Variants in RUNX1T1 observed in about 807,000 individuals in gnomAD.
RUNX1T1 encodes the protein protein CBFA2T1.
In RUNX1T1, 4 loss-of-function variants were observed where a neutral mutation model predicts 62.8. The ratio of observed to expected loss-of-function variants is 0.06; its 90% CI spans 0.03 to 0.15. RUNX1T1 has a LOEUF of 0.15. Ranked by LOEUF, RUNX1T1 falls within the 10% of genes least tolerant of loss-of-function variation. The pLI is 1.00. For synonymous variants in RUNX1T1, 291 were observed against 286.0 expected (o/e 1.02, Z -0.18); for missense variants, 508 against 754.3 (o/e 0.67, Z 3.82).
At chr8:92,046,823 T>A (rs1361614887) in intron 1 of RUNX1T1, among the ~76,000 whole-genome samples, 1 of 152,024 alleles carries the variant, frequency 6.6e-6, no homozygotes, top group East Asian at 1.9e-4. Flanking sequence ...CATAGAACAG[T>A]GTTTAGGTTA....
intron 1 of RUNX1T1, among the ~76,000 whole-genome samples, chr8:92,049,530 T>C (rs1403756382): frequency 1.3e-5 from 2 of 152,180 alleles, no homozygotes; most frequent in Non-Finnish European, 2.9e-5. Flanking sequence ...AAGAATCTCA[T>C]AAGTGCTGAC....
chr8:91,983,169 G>A (rs942578448), intron 8 of RUNX1T1, among the ~76,000 whole-genome samples: 7 of 151,536 alleles, frequency 4.6e-5, no homozygotes, highest in Admixed American at 6.6e-5. Flanking sequence ...CCCCGACCTC[G>A]TGATCCGTCT....
At chr8:92,029,047 T>A (rs1825768325) in intron 1 of RUNX1T1, among the ~76,000 whole-genome samples, 1 of 152,156 alleles carries the variant, frequency 6.6e-6, no homozygotes. Flanking sequence ...GTAGAGTCAG[T>A]TATGATCATC....
At chr8:92,060,551 A>ATGTGTGTGTGTG (rs1239294685) in intron 1 of RUNX1T1, among the ~76,000 whole-genome samples, 8 of 95,328 alleles carry the variant, frequency 8.4e-5, no homozygotes, top group African/African-American at 1.9e-4. Context: ...ATATATATAT[A>ATGTGTGTGTGTG]TATGTGTGTG....
intron 1 of RUNX1T1, among the ~76,000 whole-genome samples, chr8:92,030,811 TCTC>T (rs1320299075): frequency 6.6e-6 from 1 of 152,144 alleles, no homozygotes; most frequent in African/African-American, 2.4e-5. Flanking sequence ...CCCTTCCTCA[TCTC>T]CTCATCTTCT....
upstream of RUNX1T1, among the ~76,000 whole-genome samples, chr8:92,065,034 C>T (rs1832671025): frequency 6.6e-6 from 1 of 152,168 alleles, no homozygotes; most frequent in South Asian, 2.1e-4. Flanking sequence ...AGCATTTTCT[C>T]AAGAAACCAG....
intron 1 of RUNX1T1, among the ~76,000 whole-genome samples, chr8:92,024,897 C>A (rs551749793): frequency 3.3e-5 from 5 of 152,256 alleles, no homozygotes; most frequent in South Asian, 2.1e-4. Context: ...TGGAATTTGC[C>A]ATCCTCTATG....
At chr8:91,974,955 A>T (rs1236285506) in intron 9 of RUNX1T1, among the ~76,000 whole-genome samples, 1 of 152,232 alleles carries the variant, frequency 6.6e-6, no homozygotes, top group Non-Finnish European at 1.5e-5. Context: ...GAAATCCCAA[A>T]GAGAAATCTT....
At chr8:91,999,425 G>A (rs957195317) in intron 5 of RUNX1T1, among the ~76,000 whole-genome samples, 20 of 152,168 alleles carry the variant, frequency 1.3e-4, no homozygotes, top group African/African-American at 4.1e-4. Flanking sequence ...AAGCTATGGA[G>A]AGAACTATAG....
intron 1 of RUNX1T1, chr8:92,081,127 A>G: frequency 4.9e-6 from 1 of 205,250 alleles, no homozygotes. Flanking sequence ...TTGACCTTGG[A>G]CAAGTCACTT....
intron 1 of RUNX1T1, among the ~76,000 whole-genome samples, chr8:92,020,655 G>C (rs190802197): frequency 6.6e-6 from 1 of 152,082 alleles, no homozygotes; most frequent in Non-Finnish European, 1.5e-5. Context: ...TAAACAAGAC[G>C]ATCTTCCCTC....
At chr8:92,060,973 A>G (rs1168699922) in intron 1 of RUNX1T1, among the ~76,000 whole-genome samples, 2 of 152,080 alleles carry the variant, frequency 1.3e-5, no homozygotes, top group Non-Finnish European at 2.9e-5. Flanking sequence ...ACTTCAGGCT[A>G]TTGCTGTAGA....
intron 5 of RUNX1T1, among the ~76,000 whole-genome samples, chr8:91,993,322 G>A (rs1046513115): frequency 1.2e-4 from 19 of 152,142 alleles, no homozygotes; most frequent in Non-Finnish European, 2.4e-4. Context: ...TAGGGTGGGC[G>A]CCCCAGTGAC....
chr8:91,959,442 G>GTATATA lies in RUNX1T1; in HGVS notation c.*799_*800insTATATA, dbSNP rs1224548659. The GTATATA allele has an allele frequency of 1.0e-3, 122 of 118,052 alleles. 3 individuals are homozygous for GTATATA. Among genetic ancestry groups the GTATATA allele is most frequent in the Middle Eastern group, 2.4e-3 (1 of 422 alleles). 7.3% of individuals were successfully genotyped at this position (118,052 alleles called of 1,614,324 possible). On this transcript the variant is annotated 3_prime_UTR_variant, in exon 11 of 11. Transcript: ENST00000396218. ...TGTGTGTGTGTGTGTGTGTGTGTGT[G>GTATATA]TGTGTGTGTGTGTGTGTGTGTGTGT...
chr8:91,973,459 A>C (rs1813274475), intron 9 of RUNX1T1, among the ~76,000 whole-genome samples: 1 of 152,032 alleles, frequency 6.6e-6, no homozygotes, highest in Non-Finnish European at 1.5e-5. Context: ...ACTTGTAATT[A>C]CAATTTTCTG....
At chr8:92,022,679 C>G (rs1198372717) in intron 1 of RUNX1T1, among the ~76,000 whole-genome samples, 1 of 152,168 alleles carries the variant, frequency 6.6e-6, no homozygotes, top group Non-Finnish European at 1.5e-5. Context: ...TTTTGCATTT[C>G]CCAGCCTCCA....
chr8:92,008,424 ACACACG>A (rs1343578071), intron 4 of RUNX1T1, among the ~76,000 whole-genome samples: 2 of 148,618 alleles, frequency 1.3e-5, no homozygotes, highest in African/African-American at 2.5e-5. Context: ...ACACACACAC[ACACACG>A]AGACTATGTG....
chr8:92,074,441 T>G (rs1834130823), intron 2 of RUNX1T1, among the ~76,000 whole-genome samples: 2 of 152,164 alleles, frequency 1.3e-5, no homozygotes, highest in Admixed American at 1.3e-4. Flanking sequence ...TGATTTTTAA[T>G]CTGCATCTTA....
chr8:92,068,864 C>A (rs186493766), intron 2 of RUNX1T1, among the ~76,000 whole-genome samples: 6 of 152,300 alleles, frequency 3.9e-5, no homozygotes, highest in African/African-American at 1.4e-4. Context: ...AATCTCACTA[C>A]CTTTGCCTTC....
Sources: allele counts gnomAD v4.1 joint callset (sites outside exome capture counted in the v4.1 genomes callset), GRCh38; gene constraint gnomAD v4.1.1; transcripts MANE v1.5; gene names NCBI Gene and HGNC (gene_info 2026-07-23, HGNC 2026-07-21).